Variants in DGAT1 observed in about 807,000 individuals in gnomAD.
DGAT1 encodes the protein ACAT related gene product 1.
In DGAT1, 60 loss-of-function variants were observed where a neutral mutation model predicts 72.6. The ratio of observed to expected loss-of-function variants is 0.83; its 90% CI spans 0.67 to 1.02. DGAT1 has a LOEUF of 1.02. Ranked by LOEUF, DGAT1 falls within the 50% of genes least tolerant of loss-of-function variation. The pLI, the probability that DGAT1 is intolerant of heterozygous loss-of-function variation, is 0.00. For synonymous variants in DGAT1, 290 were observed against 267.5 expected, an observed-to-expected ratio of 1.08 and a Z score of -0.82; for missense variants, 592 against 670.0, an observed-to-expected ratio of 0.88 and a Z score of 1.29.
chr8:144,318,659 A>G (rs1001298660), intron 5 of DGAT1, 40 bp downstream of exon 5: 5 of 1,606,916 alleles, frequency 3.1e-6, no homozygotes, highest in East Asian at 2.2e-5. Context: ...GAGCGCACAC[A>G]GCAGGGTGAG....
chr8:144,314,802 G>A lies in DGAT1; in HGVS notation c.*1752C>T. 9 of 640,462 alleles carry A rather than the reference G, an allele frequency of 1.4e-5. No individual in the cohort carries two copies. The highest frequency in any genetic ancestry group is 1.6e-5 in the Non-Finnish European group (8 of 511,298). The allele number at this position is 640,462 out of a possible 1,614,324, so 39.7% of individuals were successfully genotyped here. A position where few individuals can be genotyped will look rare whatever the true frequency, so the allele number is the denominator to read the frequency against. On this transcript the variant is annotated 3_prime_UTR_variant, in exon 17 of 17. Transcript: ENST00000528718. Reference sequence around the variant, plus strand: ...GAGGAGGGGCCCAGGGCACAGAAGGGCCGGGCTGCAGTGGCCTCCTGGGGG... The same window carrying A: ...GAGGAGGGGCCCAGGGCACAGAAGGACCGGGCTGCAGTGGCCTCCTGGGGG...
Position 144,315,181 on chromosome 8 carries a change from G to A in DGAT1, c.*1373C>T, listed in dbSNP as rs947601708. ...TATCTGGCAGCAACAGTTTGTTCTC[G>A]AGCTCCACTGGCCAACTGATAGGGA... On this transcript the variant is annotated 3_prime_UTR_variant, in exon 17 of 17. Coordinates refer to ENST00000528718, the MANE Select transcript of DGAT1 (RefSeq NM_012079.6). 63 of 985,332 alleles carry A rather than the reference G, an allele frequency of 6.4e-5. No homozygotes were observed. In the South Asian group the frequency reaches 1.1e-3, roughly 18 times the overall value. 61.0% of individuals were successfully genotyped at this position (985,332 alleles called of 1,614,324 possible).
At position 144,315,394 on chromosome 8, in the gene DGAT1, C is replaced by G; in HGVS notation, c.*1160G>C. On this transcript the variant is annotated 3_prime_UTR_variant, in exon 17 of 17. Transcript: ENST00000528718. ...CCACCCTCCCCTCACACCACCAGTT[C>G]AGCAGGTTGCTGATGAGGCCCCTGG... The G allele has an allele frequency of 2.0e-6, 2 of 985,526 alleles. No individual in the cohort carries two copies. The highest frequency in any genetic ancestry group is 2.4e-6 in the Non-Finnish European group (2 of 829,970). 61.0% of individuals were successfully genotyped at this position (985,526 alleles called of 1,614,324 possible). A position where few individuals can be genotyped will look rare whatever the true frequency, so the allele number is the denominator to read the frequency against.
In DGAT1 at chr8:144,318,332, G is replaced by T. The variant is rs782481578; in HGVS notation, c.605C>A (p.Thr202Asn). The change falls in exon 7 of 17, where the codon ACC becomes AAC. Residue 202 changes from threonine (T) to asparagine (N), a missense_variant. By Grantham distance (65) the Thr-to-Asn change is moderately conservative. Coordinates refer to ENST00000528718, the MANE Select transcript of DGAT1 (RefSeq NM_012079.6). ...VGSLLALMAH[T>N]ILFLKLFSYR... Reference sequence around the variant, plus strand: ...GGAGAAGAGCTTGAGGAAGAGGATGGTGTGCGCCATCAGCGCCAGCAGGGA... The same window carrying T: ...GGAGAAGAGCTTGAGGAAGAGGATGTTGTGCGCCATCAGCGCCAGCAGGGA... 8.1e-6 allele frequency: 13 copies of T among 1,612,242 alleles called. No homozygotes were observed. In the East Asian group the frequency reaches 2.7e-4, roughly 33 times the overall value.
At chr8:144,326,277 A>G (rs1307395739) in intron 1 of DGAT1, among the ~76,000 whole-genome samples, 160 bp downstream of exon 1, 2 of 150,608 alleles carry the variant, frequency 1.3e-5, no homozygotes, top group African/African-American at 4.9e-5. Context: ...TTGTCAGGTG[A>G]CTCTCCCCAA....
rs2130497142 is a variant in DGAT1 at position 144,314,767 on chromosome 8, G to GTGC, written c.*1784_*1786dup. ...CTGTCCCAGGGTGGTGCGGTGGGTGGTGCTGCAATGAGGAGGGGCCCAGGG... is the reference window on the plus strand; with the variant it reads ...CTGTCCCAGGGTGGTGCGGTGGGTGGTGCTGCTGCAATGAGGAGGGGCCCAGGG... On this transcript the variant is annotated 3_prime_UTR_variant, in exon 17 of 17. Transcript: ENST00000528718. 3.5e-6 allele frequency: 1 copy of GTGC among 289,812 alleles called. No individual in the cohort carries two copies. Among genetic ancestry groups the GTGC allele is most frequent in the African/African-American group, 2.2e-5 (1 of 44,750 alleles). The allele number at this position is 289,812 out of a possible 1,614,324, so 18.0% of individuals were successfully genotyped here. A position where few individuals can be genotyped will look rare whatever the true frequency, so the allele number is the denominator to read the frequency against.
intron 2 of DGAT1, among the ~76,000 whole-genome samples, chr8:144,320,261 G>A (rs1353832021): frequency 6.6e-6 from 1 of 152,236 alleles, no homozygotes; most frequent in Admixed American, 6.5e-5. Flanking sequence ...AGGCCCAAGG[G>A]GTTGGGGAGA....
chr8:144,321,025 C>T lies in DGAT1; in HGVS notation c.288+296G>A, dbSNP rs573742637. Among the ~76,000 whole-genome samples the T allele has an allele frequency of 6.9e-4, 105 of 152,210 alleles. 1 individual carries two copies. Among genetic ancestry groups the T allele is most frequent in the African/African-American group, 2.5e-3 (102 of 41,552 alleles). ...ACACAGGCTCCAGCCAGGCACTGTT[C>T]GGCCTCCCCACGCCCACACCACATC... On this transcript the variant is annotated intron_variant, in intron 2 of 16. Transcript: ENST00000528718.
At position 144,316,712 on chromosome 8, in the gene DGAT1, A is replaced by G; in HGVS notation, c.1312-3T>C. ...CCCACGAACCAGGCCAGTGGGATCT[A>G]GGGAGTGAGGGGCCAAGTCAGTCGG... On this transcript the variant is annotated splice_region_variant and splice_polypyrimidine_tract_variant and intron_variant, in intron 16 of 16. Coordinates refer to ENST00000528718, the MANE Select transcript of DGAT1 (RefSeq NM_012079.6). 6.2e-7 allele frequency: 1 copy of G among 1,610,924 alleles called. No homozygotes were observed. The highest frequency in any genetic ancestry group is 8.5e-7 in the Non-Finnish European group (1 of 1,178,866).
At position 144,314,993 on chromosome 8, in the gene DGAT1, G is replaced by A. The variant is rs546029771; in HGVS notation, c.*1561C>T. On this transcript the variant is annotated 3_prime_UTR_variant, in exon 17 of 17. Coordinates refer to ENST00000528718, the MANE Select transcript of DGAT1 (RefSeq NM_012079.6). ...CCCCCTTCCCAAGGTGTTCGCACTC[G>A]GACAGGTGATGCGGGGCGGGCACAC... The A allele has an allele frequency of 7.3e-5, 72 of 985,884 alleles. No individual in the cohort carries two copies. The African/African-American group carries it at 7.8e-4, about 11-fold the overall frequency. 61.1% of individuals were successfully genotyped at this position (985,884 alleles called of 1,614,324 possible). A position where few individuals can be genotyped will look rare whatever the true frequency, so the allele number is the denominator to read the frequency against.
chr8:144,325,534 A>T (rs1817576162), intron 1 of DGAT1, among the ~76,000 whole-genome samples: 1 of 152,232 alleles, frequency 6.6e-6, no homozygotes, highest in Non-Finnish European at 1.5e-5. Context: ...TCTCTAAAAC[A>T]AAGCCCTGAG....
intron 2 of DGAT1, among the ~76,000 whole-genome samples, chr8:144,320,484 C>T (rs782155565): frequency 5.9e-5 from 9 of 152,164 alleles, no homozygotes; most frequent in African/African-American, 9.7e-5. Flanking sequence ...GCCCCTTCCA[C>T]GTGGGTAGCC....
In DGAT1 at chr8:144,317,323, G is replaced by A. The variant is rs370380597; in HGVS notation, c.1094+10C>T. On this transcript the variant is annotated intron_variant, in intron 13 of 16. Coordinates refer to ENST00000528718, the MANE Select transcript of DGAT1 (RefSeq NM_012079.6). ...ATCCCAGCCCCCAGGGACACCCCAGGGACACTCACCACCAGTCCCGGTAGA... is the reference window on the plus strand; with the variant it reads ...ATCCCAGCCCCCAGGGACACCCCAGAGACACTCACCACCAGTCCCGGTAGA... 227 of 1,613,292 alleles carry A rather than the reference G, an allele frequency of 1.4e-4. 3 individuals carry two copies. Among genetic ancestry groups the A allele is most frequent in the Middle Eastern group, 3.3e-4 (2 of 6,082 alleles).
chr8:144,318,403 C>A (rs373729502), intron 6 of DGAT1, 41 bp from the exon 7 acceptor site: 188 of 1,597,526 alleles, frequency 1.2e-4, no homozygotes, highest in Non-Finnish European at 1.6e-4. Context: ...GCGCCACAGC[C>A]GGAGGCCATG....
chr8:144,316,183 T>A lies in DGAT1; in HGVS notation c.*371A>T. ...GCCCGCCCTGCTGCAGTGGAGCTGCTGCTCCCCGGCAGGTCCTGGGACAGC... is the reference window on the plus strand; with the variant it reads ...GCCCGCCCTGCTGCAGTGGAGCTGCAGCTCCCCGGCAGGTCCTGGGACAGC... On this transcript the variant is annotated 3_prime_UTR_variant, in exon 17 of 17. Transcript: ENST00000528718. The A allele has an allele frequency of 4.6e-6, 1 of 217,570 alleles. No homozygotes were observed. Among genetic ancestry groups the A allele is most frequent in the Non-Finnish European group, 9.1e-6 (1 of 109,314 alleles). The allele number at this position is 217,570 out of a possible 1,614,324, so 13.5% of individuals were successfully genotyped here.
rs1817301495 is a variant in DGAT1 at position 144,317,908 on chromosome 8, C to T, written c.855+6G>A. 1.3e-6 allele frequency: 2 copies of T among 1,528,044 alleles called. No individual in the cohort carries two copies. Among genetic ancestry groups the T allele is most frequent in the East Asian group, 4.5e-5 (2 of 44,170 alleles). 94.7% of individuals were successfully genotyped at this position (1,528,044 alleles called of 1,614,324 possible). ...TCCAGTGGCTGCCCCCAGCCCCCAA[C>T]CTCACCATCTCAAGGATCCGTCGCA... On this transcript the variant is annotated splice_donor_region_variant and intron_variant, in intron 9 of 16. Transcript: ENST00000528718.
intron 1 of DGAT1, among the ~76,000 whole-genome samples, chr8:144,324,098 G>C (rs1421406667): frequency 3.3e-5 from 5 of 152,236 alleles, no homozygotes; most frequent in Non-Finnish European, 7.3e-5. Flanking sequence ...TGTGCAAAGA[G>C]CCTGGCAGGA....
Position 144,320,585 on chromosome 8 carries a change from C to T in DGAT1, c.288+736G>A, listed in dbSNP as rs1817421863. The stretch of plus-strand genomic sequence containing the variant: ...TCAGCCCTGAGTTGGGGAGGCTGGG[C>T]CCAGATAGCCCTTGTCCCCGACCTG... On this transcript the variant is annotated intron_variant, in intron 2 of 16. Transcript: ENST00000528718. Among the ~76,000 whole-genome samples the T allele has an allele frequency of 2.0e-5, 3 of 152,128 alleles. No homozygotes were observed. In the South Asian group the frequency reaches 6.2e-4, roughly 31 times the overall value.
rs782798411 is a variant in DGAT1, at chr8:144,318,470, T to C, written c.565A>G (p.Ile189Val). The C allele has an allele frequency of 1.6e-5, 26 of 1,611,118 alleles. No individual in the cohort carries two copies. The highest frequency in any genetic ancestry group is 2.2e-5 in the East Asian group (1 of 44,836). The change falls in exon 6 of 17, where the codon ATC becomes GTC. Residue 189 changes from isoleucine to valine, a missense_variant. By Grantham distance (29) the Ile-to-Val change is conservative. Coordinates refer to ENST00000528718, the MANE Select transcript of DGAT1 (RefSeq NM_012079.6). ...PAAVVLLVES[I>V]TPVGSLLALM... ...TGGGATGGGGGCGCACCTGGAGTGA[T>C]AGACTCAACCAGTAAGACCACAGCC...
Sources: gnomAD v4.1 joint callset for allele counts (sites outside exome capture counted in the v4.1 genomes callset) on GRCh38, gnomAD v4.1.1 for gene constraint, MANE v1.5 for transcripts, NCBI Gene and HGNC (gene_info 2026-07-23, HGNC 2026-07-21) for gene names.